Variants in BRSK2 observed in about 807,000 individuals in gnomAD.
The protein encoded by BRSK2 is serine/threonine-protein kinase BRSK2.
A neutral mutation model predicts 83.3 loss-of-function variants in BRSK2; 19 were observed. The observed-to-expected ratio is 0.23, with a 90% CI of 0.16 to 0.33. The LOEUF (loss-of-function observed/expected upper bound fraction) is 0.33. Ranked by LOEUF, BRSK2 falls within the 10% of genes least tolerant of loss-of-function variation. The pLI, the probability that BRSK2 is intolerant of heterozygous loss-of-function variation, is 1.00. For synonymous variants in BRSK2, 519 were observed against 435.4 expected (o/e 1.19, Z -2.39); for missense variants, 798 against 1,042.3 (o/e 0.77, Z 3.23).
intron 1 of BRSK2, among the ~76,000 whole-genome samples, chr11:1,413,674 C>A (rs1178272266): frequency 1.3e-5 from 2 of 152,212 alleles, no homozygotes; most frequent in Non-Finnish European, 2.9e-5. Context: ...CACCCACTGA[C>A]CCTGACAACA....
chr11:1,427,959 C>T (rs772797671), intron 1 of BRSK2, among the ~76,000 whole-genome samples: 2 of 152,210 alleles, frequency 1.3e-5, no homozygotes, highest in Non-Finnish European at 2.9e-5. Context: ...GACGCAGAGG[C>T]CTGCACTGCT....
intron 12 of BRSK2, chr11:1,447,705 A>G (rs1255726960): frequency 1.7e-6 from 2 of 1,171,130 alleles, no homozygotes; most frequent in Non-Finnish European, 1.2e-6. Flanking sequence ...AGCCACGTGG[A>G]GTTCTTACCC....
chr11:1,410,535 G>C (rs1243643331), intron 1 of BRSK2: 8 of 985,372 alleles, frequency 8.1e-6, no homozygotes, highest in East Asian at 1.1e-4. Context: ...AGGCCTCACT[G>C]CTGAGCACGA....
intron 14 of BRSK2, 32 bp downstream of exon 14, chr11:1,450,826 G>A (rs774876641): frequency 6.4e-7 from 1 of 1,559,138 alleles, no homozygotes; most frequent in Non-Finnish European, 8.6e-7. Context: ...CCAGAGTGGG[G>A]CTGGGAGAGA....
chr11:1,451,687 T>C (rs1177086417), intron 15 of BRSK2, among the ~76,000 whole-genome samples: 2 of 152,030 alleles, frequency 1.3e-5, no homozygotes, highest in Non-Finnish European at 2.9e-5. Flanking sequence ...GAGCAGGGGG[T>C]ACACTGGGCA....
At chr11:1,395,889 G>A (rs757991580) in intron 1 of BRSK2, among the ~76,000 whole-genome samples, 2 of 152,178 alleles carry the variant, frequency 1.3e-5, no homozygotes, top group African/African-American at 2.4e-5. Flanking sequence ...CCATCTGCCC[G>A]AGCAGGGAGT....
At chr11:1,458,602 A>G (rs1846964194) in intron 18 of BRSK2, among the ~76,000 whole-genome samples, 1 of 152,088 alleles carries the variant, frequency 6.6e-6, no homozygotes, top group South Asian at 2.1e-4. Context: ...GAGAGCCCCC[A>G]GTGAGCAGGC....
intron 1 of BRSK2, among the ~76,000 whole-genome samples, chr11:1,396,721 A>G (rs1243827106): frequency 6.6e-6 from 1 of 152,226 alleles, no homozygotes; most frequent in Non-Finnish European, 1.5e-5. Context: ...CTGTCTCTGA[A>G]GTCAGCAGCC....
chr11:1,401,532 G>T (rs752318834), intron 1 of BRSK2, among the ~76,000 whole-genome samples: 2 of 152,216 alleles, frequency 1.3e-5, no homozygotes, highest in South Asian at 4.1e-4. Context: ...CATCACTCCT[G>T]GGCCAGCAGC....
intron 1 of BRSK2, among the ~76,000 whole-genome samples, chr11:1,395,724 G>A (rs989114927): frequency 1.4e-4 from 21 of 152,336 alleles, no homozygotes; most frequent in African/African-American, 3.4e-4. Flanking sequence ...GGCCCTGATC[G>A]TGCTGGCCGT....
At chr11:1,446,133 T>A (rs894148812) in intron 12 of BRSK2, among the ~76,000 whole-genome samples, 1 of 125,922 alleles carries the variant, frequency 7.9e-6, no homozygotes, top group South Asian at 2.8e-4. Flanking sequence ...GGCTGGGCTG[T>A]GCTGGACTGG....
intron 1 of BRSK2, among the ~76,000 whole-genome samples, chr11:1,419,047 G>A (rs1373257232): frequency 6.6e-6 from 1 of 152,258 alleles, no homozygotes; most frequent in Non-Finnish European, 1.5e-5. Flanking sequence ...CCAGTTACAG[G>A]TGCGTGTCAG....
rs1182508504 is a variant in BRSK2, at chr11:1,423,973, C to T, written c.92-12067C>T. Among the ~76,000 whole-genome samples the T allele has an allele frequency of 6.6e-6, 1 of 152,152 alleles. No homozygotes were observed. The highest frequency in any genetic ancestry group is 1.5e-5 in the Non-Finnish European group (1 of 68,034). On this transcript the variant is annotated intron_variant, in intron 1 of 19. Transcript: ENST00000528841. This position sits in a 1 kb window ranked among gnomAD's most constrained non-coding sequence, Gnocchi z 6.5. ...CCTCGGCCTTTCTCTGATAGGAAGGCTGGTAGTTGGGTTTAGTGTCCACCC... is the reference window on the plus strand; with the variant it reads ...CCTCGGCCTTTCTCTGATAGGAAGGTTGGTAGTTGGGTTTAGTGTCCACCC...
chr11:1,459,351 T>C, intron 19 of BRSK2, 112 bp downstream of exon 19: 2 of 1,232,028 alleles, frequency 1.6e-6, no homozygotes, highest in East Asian at 2.3e-5. Flanking sequence ...CCTGTGTAGA[T>C]GTAGGCACCC....
rs4963046 is a variant in BRSK2, at chr11:1,458,755, C to T, written c.1940-437C>T. Among the ~76,000 whole-genome samples, 17 of 152,098 alleles carry T rather than the reference C, an allele frequency of 1.1e-4. No homozygotes were observed. In the East Asian group the frequency reaches 3.1e-3, roughly 28 times the overall value. ...CAGGCCCAGCAGTAGGGAAGAGGGC[C>T]GAGGAAGAGGGTGCCTGCCTTGAGT... On this transcript the variant is annotated intron_variant, in intron 18 of 19. Coordinates refer to ENST00000528841, the MANE Select transcript of BRSK2 (RefSeq NM_001256627.2).
In BRSK2 at chr11:1,410,506, G is replaced by A. The variant is rs151300655; in HGVS notation, c.91+20131G>A. On this transcript the variant is annotated intron_variant, in intron 1 of 19. Transcript: ENST00000528841. The stretch of plus-strand genomic sequence containing the variant: ...GCTGTGTGCGATGGGTGCTGGGCCC[G>A]CAGACTTCGGTGCTTCAAAGGCCTC... The A allele has an allele frequency of 4.9e-5, 48 of 985,472 alleles. No individual in the cohort carries two copies. The East Asian group carries it at 3.0e-3, about 61-fold the overall frequency. 61.0% of individuals were successfully genotyped at this position (985,472 alleles called of 1,614,324 possible).
At chr11:1,398,127 C>T (rs906630385) in intron 1 of BRSK2, among the ~76,000 whole-genome samples, 15 of 152,226 alleles carry the variant, frequency 9.9e-5, no homozygotes, top group African/African-American at 2.6e-4. Context: ...GTCGCCTCTG[C>T]GGGTGTCTTG....
At chr11:1,433,508 C>T (rs980694926) in intron 1 of BRSK2, among the ~76,000 whole-genome samples, 6 of 152,260 alleles carry the variant, frequency 3.9e-5, no homozygotes, top group Non-Finnish European at 5.9e-5. Flanking sequence ...CCATGCCCTT[C>T]GGACCAGAGG....
At chr11:1,449,858 C>T (rs1351117049) in intron 13 of BRSK2, 22 bp downstream of exon 13, 2 of 1,586,476 alleles carry the variant, frequency 1.3e-6, no homozygotes, top group Non-Finnish European at 1.7e-6. Flanking sequence ...CCCGCCCCCA[C>T]CCAGCTCGGA....
Sources: allele counts gnomAD v4.1 joint callset (sites outside exome capture counted in the v4.1 genomes callset), GRCh38; gene constraint gnomAD v4.1.1; non-coding constraint Gnocchi (gnomAD v3.1); transcripts MANE v1.5; gene names NCBI Gene and HGNC (gene_info 2026-07-23, HGNC 2026-07-21).